TGFA: variants seen among roughly 807,000 people sequenced by gnomAD.
TGFA encodes protransforming growth factor alpha.
TGFA carries 12 observed loss-of-function variants against 21.7 expected under a neutral mutation model. That is an observed-to-expected ratio of 0.55 (90% CI 0.35 to 0.90). The LOEUF (loss-of-function observed/expected upper bound fraction) is 0.90. TGFA is among the 40% of genes least tolerant of loss of function. The pLI is 0.01. For synonymous variants in TGFA, 79 were observed against 88.1 expected (o/e 0.90, Z 0.58); for missense variants, 178 against 210.8 (o/e 0.84, Z 0.96).
At chr2:70,464,311 C>G (rs1670486333) in intron 3 of TGFA, among the ~76,000 whole-genome samples, 1 of 152,244 alleles carries the variant, frequency 6.6e-6, no homozygotes, top group Non-Finnish European at 1.5e-5. Flanking sequence ...TGAGTTAGCA[C>G]ACGGATTGTA....
At chr2:70,543,147 C>T (rs905082758) in intron 1 of TGFA, among the ~76,000 whole-genome samples, 48 of 151,834 alleles carry the variant, frequency 3.2e-4, no homozygotes, top group African/African-American at 1.2e-3. Flanking sequence ...AGGGTTTTTT[C>T]CCTCTAAATA....
intron 2 of TGFA, among the ~76,000 whole-genome samples, chr2:70,509,404 AC>A (rs1553500662): frequency 1.3e-5 from 2 of 151,960 alleles, no homozygotes; most frequent in African/African-American, 4.8e-5. Flanking sequence ...CCTTCTGTGC[AC>A]CCCCAGCTCA....
chr2:70,504,366 C>T (rs1053307764), intron 2 of TGFA, among the ~76,000 whole-genome samples: 5 of 148,036 alleles, frequency 3.4e-5, no homozygotes, highest in South Asian at 2.2e-4. Flanking sequence ...GCTGAGATAG[C>T]GTCACTGCAC....
At chr2:70,465,020 G>A (rs372329073) in intron 3 of TGFA, among the ~76,000 whole-genome samples, 1 of 152,218 alleles carries the variant, frequency 6.6e-6, no homozygotes, top group Non-Finnish European at 1.5e-5. Context: ...TTCTGATTCC[G>A]TAGGTCAGAG....
chr2:70,491,685 G>T (rs1385226071), intron 2 of TGFA, among the ~76,000 whole-genome samples: 1 of 152,166 alleles, frequency 6.6e-6, no homozygotes, highest in Non-Finnish European at 1.5e-5. Flanking sequence ...ATGACTGTTG[G>T]CACTGCCTTT....
At chr2:70,535,595 TC>T (rs1240565314) in intron 1 of TGFA, among the ~76,000 whole-genome samples, 2 of 152,214 alleles carry the variant, frequency 1.3e-5, no homozygotes, top group Non-Finnish European at 2.9e-5. Context: ...CTTAGATATA[TC>T]CTACATGGGA....
intron 1 of TGFA, among the ~76,000 whole-genome samples, chr2:70,522,281 G>C (rs1553502427): frequency 6.6e-6 from 1 of 152,098 alleles, no homozygotes; most frequent in Non-Finnish European, 1.5e-5. Flanking sequence ...GAGTAGTGAG[G>C]GTGTACAGAT....
intron 2 of TGFA, among the ~76,000 whole-genome samples, chr2:70,511,099 A>C (rs1672084530): frequency 6.6e-6 from 1 of 152,210 alleles, no homozygotes; most frequent in South Asian, 2.1e-4. Context: ...ATGTTCCATT[A>C]AAGTGTGTCG....
At chr2:70,460,606 C>T (rs938871510) in intron 3 of TGFA, among the ~76,000 whole-genome samples, 1 of 152,130 alleles carries the variant, frequency 6.6e-6, no homozygotes, top group Admixed American at 6.5e-5. Context: ...ACCAAGGGCA[C>T]GTGTATTGGG....
At chr2:70,497,162 CG>C (rs1338946020) in intron 2 of TGFA, among the ~76,000 whole-genome samples, 1 of 152,140 alleles carries the variant, frequency 6.6e-6, no homozygotes, top group Non-Finnish European at 1.5e-5. Context: ...GGAAGAAAGA[CG>C]TATGAGCTAC....
chr2:70,499,809 A>G (rs1191934991), intron 2 of TGFA, among the ~76,000 whole-genome samples: 1 of 152,190 alleles, frequency 6.6e-6, no homozygotes, highest in Non-Finnish European at 1.5e-5. Context: ...CTGAGGAAGG[A>G]TGACCCTGGG....
intron 1 of TGFA, among the ~76,000 whole-genome samples, chr2:70,547,855 C>A (rs201003476): frequency 1.4e-5 from 2 of 144,696 alleles, no homozygotes; most frequent in East Asian, 2.4e-4. Flanking sequence ...ATATATATAT[C>A]TATATATAGA....
At chr2:70,491,073 G>A (rs1671419437) in intron 2 of TGFA, among the ~76,000 whole-genome samples, 1 of 152,202 alleles carries the variant, frequency 6.6e-6, no homozygotes, top group Non-Finnish European at 1.5e-5. Context: ...AGGCAGCACA[G>A]AGTTCACCCA....
At chr2:70,466,547 C>T (rs1285647908) in intron 2 of TGFA, among the ~76,000 whole-genome samples, 1 of 151,766 alleles carries the variant, frequency 6.6e-6, no homozygotes, top group African/African-American at 2.4e-5. Context: ...ACAAAAAAAC[C>T]AAAAAAACCC....
At chr2:70,476,870 C>A (rs906910270) in intron 2 of TGFA, among the ~76,000 whole-genome samples, 3 of 152,348 alleles carry the variant, frequency 2.0e-5, no homozygotes, top group East Asian at 3.9e-4. Flanking sequence ...CTTTCCTATT[C>A]CCTCTGAGTT....
chr2:70,547,945 A>G (rs1048261748), intron 1 of TGFA, among the ~76,000 whole-genome samples: 12 of 151,238 alleles, frequency 7.9e-5, no homozygotes, highest in Non-Finnish European at 1.3e-4. Flanking sequence ...TGAATCAGTT[A>G]TCTTTCCATG....
At chr2:70,498,489 C>T (rs905530539) in intron 2 of TGFA, among the ~76,000 whole-genome samples, 10 of 152,172 alleles carry the variant, frequency 6.6e-5, no homozygotes, top group African/African-American at 2.4e-4. Context: ...GGTTTTGGAA[C>T]AGGCTGGAGA....
intron 2 of TGFA, among the ~76,000 whole-genome samples, chr2:70,487,722 ATCTCCTCTTATT>A (rs2103775752): frequency 6.6e-6 from 1 of 152,300 alleles, no homozygotes; most frequent in Admixed American, 6.5e-5. Context: ...TGTTTAACCA[ATCTCCTCTTATT>A]GGGCATTGTG....
intron 2 of TGFA, among the ~76,000 whole-genome samples, chr2:70,478,047 C>T (rs1222268780): frequency 1.3e-5 from 2 of 151,868 alleles, no homozygotes; most frequent in African/African-American, 2.4e-5. Flanking sequence ...TGAAGTCAAT[C>T]TGGCCCTGAT....
Sources: allele counts gnomAD v4.1 joint callset (sites outside exome capture counted in the v4.1 genomes callset), GRCh38; gene constraint gnomAD v4.1.1; transcripts MANE v1.5; gene names NCBI Gene and HGNC (gene_info 2026-07-23, HGNC 2026-07-21).